The following CAP1 variants were observed in gnomAD, a reference collection of about 807,000 sequenced individuals.
CAP1 encodes adenylyl cyclase-associated protein 1.
A neutral mutation model predicts 58.2 loss-of-function variants in CAP1; 11 were observed. The ratio of observed to expected loss-of-function variants is 0.19; its 90% CI spans 0.12 to 0.31. CAP1 has a LOEUF of 0.31. Among genes scored for constraint, CAP1 ranks in the 10% least tolerant of loss-of-function variants. The probability of loss-of-function intolerance (pLI) is 1.00; values close to 1 mark genes in which losing one functional copy is unlikely to be tolerated. For missense variants in CAP1, 423 were observed against 587.5 expected (o/e 0.72, Z 2.89); for synonymous variants, 183 against 213.8 (o/e 0.86, Z 1.26).
intron 8 of CAP1, among the ~76,000 whole-genome samples, chr1:40,068,371 A>G: frequency 6.6e-6 from 1 of 152,060 alleles, no homozygotes; most frequent in East Asian, 1.9e-4. Context: ...CCCAGGTTCA[A>G]GCAATTCTCC....
intron 6 of CAP1, 114 bp from the exon 7 acceptor site, chr1:40,066,101 G>C (rs1016270771): frequency 6.1e-6 from 4 of 656,076 alleles, no homozygotes. Flanking sequence ...ATTGAGCGGA[G>C]CCTAAGAAAC....
At chr1:40,068,351 A>G (rs4420075) in intron 8 of CAP1, among the ~76,000 whole-genome samples, 17,536 of 151,614 alleles carry the variant, frequency 0.12, 1,132 homozygotes, top group East Asian at 0.23. Context: ...GCTCACCGCA[A>G]CCTCCACCTC....
intron 4 of CAP1, among the ~76,000 whole-genome samples, chr1:40,063,391 G>A (rs1221275229): frequency 6.6e-6 from 1 of 152,094 alleles, no homozygotes; most frequent in Non-Finnish European, 1.5e-5. Flanking sequence ...TGCCCAGGCT[G>A]ATCTTAAACT....
Position 40,070,156 on chromosome 1 carries a change from C to T in CAP1, c.994-3C>T. The T allele has an allele frequency of 6.2e-7, 1 of 1,614,034 alleles. No homozygotes were observed. The highest frequency in any genetic ancestry group is 1.3e-5 in the African/African-American group (1 of 75,036). Reference sequence around the variant, plus strand: ...TGAGAATCCTGGGATCTCTCTCTAACAGGAAAATCAGGAAAATGTTTCCAA... The same window carrying T: ...TGAGAATCCTGGGATCTCTCTCTAATAGGAAAATCAGGAAAATGTTTCCAA... On this transcript the variant is annotated splice_polypyrimidine_tract_variant and splice_region_variant and intron_variant, in intron 9 of 12. Coordinates refer to ENST00000372805, the MANE Select transcript of CAP1 (RefSeq NM_006367.4).
At chr1:40,048,141 C>T (rs1314278258) in intron 1 of CAP1, among the ~76,000 whole-genome samples, 1 of 152,126 alleles carries the variant, frequency 6.6e-6, no homozygotes, top group East Asian at 1.9e-4. Flanking sequence ...GCCTCAGCCT[C>T]CTGAGTAGCT....
At position 40,061,761 on chromosome 1, in the gene CAP1, G is replaced by A. The variant is rs1454244116; in HGVS notation, c.243G>A (p.Lys81=). ...CGGAGATGGTCCACACAGGTTTGAA[G>A]TTGGAGCGAGCTCTGTTGGTTACAG... ...KHAEMVHTGL[K]LERALLVTAS... The change falls in exon 4 of 13, where the codon AAG becomes AAA. Residue 81 remains lysine, a synonymous_variant. Coordinates refer to ENST00000372805, the MANE Select transcript of CAP1 (RefSeq NM_006367.4). The A allele has an allele frequency of 6.2e-7, 1 of 1,614,138 alleles. No individual in the cohort carries two copies. Among genetic ancestry groups the A allele is most frequent in the Non-Finnish European group, 8.5e-7 (1 of 1,179,992 alleles).
At chr1:40,057,668 A>G (rs964695964) in intron 1 of CAP1, among the ~76,000 whole-genome samples, 8 of 152,070 alleles carry the variant, frequency 5.3e-5, no homozygotes, top group Admixed American at 1.3e-4. Flanking sequence ...AGGGAGGACA[A>G]TGTGTTAAAT....
At chr1:40,051,824 C>T (rs1326007826) in intron 1 of CAP1, among the ~76,000 whole-genome samples, 1 of 152,150 alleles carries the variant, frequency 6.6e-6, no homozygotes, top group East Asian at 1.9e-4. Flanking sequence ...CTGCCTCGGC[C>T]TCCCAAAGTG....
chr1:40,050,109 C>G (rs183375531), intron 1 of CAP1, among the ~76,000 whole-genome samples: 220 of 152,150 alleles, frequency 1.4e-3, no homozygotes, highest in Non-Finnish European at 2.7e-3. Flanking sequence ...CAGAGGCTGC[C>G]TGACTAATTG....
At chr1:40,066,137 A>T in intron 6 of CAP1, 78 bp from the exon 7 acceptor site, 1 of 800,338 alleles carries the variant, frequency 1.2e-6, no homozygotes, top group Non-Finnish European at 2.2e-6. Context: ...ATGTGAGCCC[A>T]TAGGAAAGAA....
chr1:40,071,820 C>T lies in CAP1; in HGVS notation c.*287C>T, dbSNP rs771460309. 1.0e-4 allele frequency: 48 copies of T among 476,264 alleles called. No homozygotes were observed. Among genetic ancestry groups the T allele is most frequent in the Non-Finnish European group, 1.6e-4 (43 of 269,548 alleles). The allele number at this position is 476,264 out of a possible 1,614,324, so 29.5% of individuals were successfully genotyped here. A position where few individuals can be genotyped will look rare whatever the true frequency, so the allele number is the denominator to read the frequency against. On this transcript the variant is annotated 3_prime_UTR_variant, in exon 13 of 13. Transcript: ENST00000372805. Reference sequence around the variant, plus strand: ...GACTAGGACTGATGATGCATTTTAGCTTTGAGCTTTTGGGGGTTATTCTAC... The same window carrying T: ...GACTAGGACTGATGATGCATTTTAGTTTTGAGCTTTTGGGGGTTATTCTAC...
intron 1 of CAP1, among the ~76,000 whole-genome samples, chr1:40,052,551 C>CTTAT (rs914472948): frequency 9.9e-5 from 15 of 152,082 alleles, no homozygotes; most frequent in African/African-American, 1.7e-4. Context: ...TGGGAGAAGC[C>CTTAT]TTATTTATTT....
intron 3 of CAP1, among the ~76,000 whole-genome samples, 180 bp from the exon 4 acceptor site, chr1:40,061,555 A>G (rs571587100): frequency 1.4e-4 from 22 of 152,336 alleles, no homozygotes; most frequent in African/African-American, 4.8e-4. Context: ...ATGAGTTCCA[A>G]TAGGAACAGT....
intron 8 of CAP1, among the ~76,000 whole-genome samples, chr1:40,068,204 G>A (rs1647194293): frequency 2.0e-5 from 3 of 152,196 alleles, no homozygotes; most frequent in Non-Finnish European, 2.9e-5. Context: ...TAAAAATGGT[G>A]TAACAACCTA....
chr1:40,064,052 A>G (rs577573560), intron 4 of CAP1, among the ~76,000 whole-genome samples, 175 bp from the exon 5 acceptor site: 4 of 152,334 alleles, frequency 2.6e-5, no homozygotes, highest in Admixed American at 2.6e-4. Flanking sequence ...TTGGAACTCT[A>G]CGAGGAGAGT....
At position 40,048,579 on chromosome 1, in the gene CAP1, T is replaced by A. The variant is rs1646212759; in HGVS notation, c.-11+7778T>A. ...GTCAAGTAGAGATTTTTATTATTATTATAAAATATTATATGTTAAAAGAAA... is the reference window on the plus strand; with the variant it reads ...GTCAAGTAGAGATTTTTATTATTATAATAAAATATTATATGTTAAAAGAAA... On this transcript the variant is annotated intron_variant, in intron 1 of 12. Transcript: ENST00000372805. 3.3e-5 allele frequency among the ~76,000 whole-genome samples: 5 copies of A among 152,144 alleles called. No individual in the cohort carries two copies. The South Asian group carries it at 1.0e-3, about 31-fold the overall frequency.
At chr1:40,069,598 T>G in intron 8 of CAP1, 92 bp from the exon 9 acceptor site, 1 of 1,184,434 alleles carries the variant, frequency 8.4e-7, no homozygotes, top group Non-Finnish European at 1.2e-6. Flanking sequence ...TGGTTTTGGC[T>G]TTGAATTTTC....
rs1481105719 is a variant in CAP1 at position 40,071,684 on chromosome 1, C to A, written c.*151C>A. The A allele has an allele frequency of 1.7e-5, 10 of 590,618 alleles. No individual in the cohort carries two copies. The Admixed American group carries it at 3.2e-4, about 19-fold the overall frequency. The allele number at this position is 590,618 out of a possible 1,614,324, so 36.6% of individuals were successfully genotyped here. ...AGCTACCTGCCTTCACTGAAATATA[C>A]CTCAGGCTGAAATTTGGGGTGGGAT... On this transcript the variant is annotated 3_prime_UTR_variant, in exon 13 of 13. Coordinates refer to ENST00000372805, the MANE Select transcript of CAP1 (RefSeq NM_006367.4).
At chr1:40,049,676 G>A (rs1348901831) in intron 1 of CAP1, among the ~76,000 whole-genome samples, 1 of 152,006 alleles carries the variant, frequency 6.6e-6, no homozygotes, top group Non-Finnish European at 1.5e-5. Context: ...TTCTTTCCTA[G>A]GCTTTATTTC....
Sources: gnomAD v4.1 joint callset for allele counts (sites outside exome capture counted in the v4.1 genomes callset) on GRCh38, gnomAD v4.1.1 for gene constraint, MANE v1.5 for transcripts, NCBI Gene and HGNC (gene_info 2026-07-23, HGNC 2026-07-21) for gene names.